CLCN6: variants seen among roughly 807,000 people sequenced by gnomAD.
CLCN6 encodes the protein Cl-/H+ antiporter 6.
In CLCN6, 70 loss-of-function variants were observed where a neutral mutation model predicts 109.8. That is an observed-to-expected ratio of 0.64 (90% CI 0.53 to 0.78). The LOEUF is 0.78. Among genes scored for constraint, CLCN6 ranks in the 30% least tolerant of loss-of-function variants. The probability of loss-of-function intolerance (pLI) is 0.00; values close to 1 mark genes in which losing one functional copy is unlikely to be tolerated. For synonymous variants in CLCN6, 444 were observed against 447.8 expected, an observed-to-expected ratio of 0.99 and a Z score of 0.11; for missense variants, 984 against 1,142.3, an observed-to-expected ratio of 0.86 and a Z score of 2.00.
intron 13 of CLCN6, 104 bp from the exon 14 acceptor site, chr1:11,833,411 G>A: frequency 8.8e-7 from 1 of 1,134,992 alleles, no homozygotes; most frequent in South Asian, 1.4e-5. Flanking sequence ...TTGATTGATG[G>A]GGAAAGCTGT....
chr1:11,806,906 G>C, intron 1 of CLCN6: 2 of 552,454 alleles, frequency 3.6e-6, no homozygotes, highest in African/African-American at 1.9e-5. Context: ...TGAAGAGGAG[G>C]GTGGTTATTT....
chr1:11,808,901 C>G (rs1644560603), intron 2 of CLCN6, among the ~76,000 whole-genome samples: 1 of 151,626 alleles, frequency 6.6e-6, no homozygotes, highest in Non-Finnish European at 1.5e-5. Flanking sequence ...TCTTAGTGCC[C>G]AGGTTGGAGT....
At chr1:11,828,300 G>A in intron 11 of CLCN6, 81 bp downstream of exon 11, 7 of 1,450,726 alleles carry the variant, frequency 4.8e-6, no homozygotes, top group Admixed American at 1.7e-5. Flanking sequence ...AGAGAAATGA[G>A]CAGAGGGCTA....
At chr1:11,828,411 A>G in intron 11 of CLCN6, 47 bp from the exon 12 acceptor site, 1 of 1,607,686 alleles carries the variant, frequency 6.2e-7, no homozygotes, top group Non-Finnish European at 8.5e-7. Flanking sequence ...TCCGGTTCTC[A>G]TGGCTGCTAT....
chr1:11,808,475 G>A (rs936914010), intron 2 of CLCN6, among the ~76,000 whole-genome samples: 2 of 151,986 alleles, frequency 1.3e-5, no homozygotes, highest in African/African-American at 2.4e-5. Context: ...TAATGGATAA[G>A]GACTTTTAAA....
At chr1:11,825,340 A>AAGG (rs1470197519) in intron 8 of CLCN6, among the ~76,000 whole-genome samples, 4 of 152,210 alleles carry the variant, frequency 2.6e-5, no homozygotes, top group Non-Finnish European at 5.9e-5. Context: ...GAAGTGAGCC[A>AAGG]AGGGGTGGAA....
Position 11,815,853 on chromosome 1 carries a change from A to C in CLCN6, c.155A>C (p.Asp52Ala), listed in dbSNP as rs753327858. ...ILPRKDYESL[D>A]YDRCINDPYL... Reference sequence around the variant, plus strand: ...AACTTTGCCTCTTTTCAGAGTTTGGATTATGATCGCTGTATCAATGACCCT... The same window carrying C: ...AACTTTGCCTCTTTTCAGAGTTTGGCTTATGATCGCTGTATCAATGACCCT... The change falls in exon 3 of 23, where the codon GAT (aspartate) becomes GCT (alanine). Residue 52 changes from aspartate to alanine, a missense_variant. Physicochemically the swap from Asp to Ala is moderately radical, Grantham distance 126 (BLOSUM62 -2). Transcript: ENST00000346436. 2 of 1,613,646 alleles carry C rather than the reference A, an allele frequency of 1.2e-6. No individual in the cohort carries two copies. The highest frequency in any genetic ancestry group is 1.1e-5 in the South Asian group (1 of 91,004).
At chr1:11,816,414 G>C (rs1644672789) in intron 3 of CLCN6, among the ~76,000 whole-genome samples, 1 of 152,212 alleles carries the variant, frequency 6.6e-6, no homozygotes, top group South Asian at 2.1e-4. Flanking sequence ...GCCAACCAGA[G>C]TTCCCCCTGT....
chr1:11,829,543 G>A (rs997119382), intron 13 of CLCN6, among the ~76,000 whole-genome samples: 18 of 150,948 alleles, frequency 1.2e-4, no homozygotes, highest in African/African-American at 1.5e-4. Context: ...CAACCCTGGC[G>A]TCACAGAGGG....
rs529056566 is a variant in CLCN6, at chr1:11,810,316, A to T, written c.147+3126A>T. ...TTGAAAAATGGTAACTTTCTGTGAG[A>T]TGTGCCATTGCAAACAGGAATGTTT... On this transcript the variant is annotated intron_variant, in intron 2 of 22. Transcript: ENST00000346436. Among the ~76,000 whole-genome samples the T allele has an allele frequency of 5.3e-5, 8 of 152,350 alleles. No homozygotes were observed. In the East Asian group the frequency reaches 1.4e-3, roughly 26 times the overall value.
chr1:11,821,081 C>A (rs198395), intron 5 of CLCN6, among the ~76,000 whole-genome samples: 110,092 of 138,140 alleles, frequency 0.8, 42,576 homozygotes, highest in East Asian at 0.89. Flanking sequence ...TCTCAAAAAA[C>A]AACAACAAAA....
intron 8 of CLCN6, among the ~76,000 whole-genome samples, chr1:11,824,775 G>A (rs1466949254): frequency 6.6e-6 from 1 of 152,154 alleles, no homozygotes; most frequent in East Asian, 1.9e-4. Flanking sequence ...GAGACATAGA[G>A]AAAAACTGTG....
At chr1:11,825,851 G>T (rs1420730216) in intron 8 of CLCN6, among the ~76,000 whole-genome samples, 1 of 152,192 alleles carries the variant, frequency 6.6e-6, no homozygotes, top group East Asian at 1.9e-4. Flanking sequence ...TCCAACTCCT[G>T]ACCTTAGGTA....
In CLCN6 at chr1:11,827,118, C is replaced by T. The variant is rs765674820; in HGVS notation, c.737C>T (p.Ala246Val). ...AAGAGAGACTTTGTATCAGCAGGAGCGGCTGCTGGAGTTGCTGCAGCTTTC... is the reference window on the plus strand; with the variant it reads ...AAGAGAGACTTTGTATCAGCAGGAGTGGCTGCTGGAGTTGCTGCAGCTTTC... ...RDKRDFVSAG[A>V]AAGVAAAFGA... Residue 246 changes from alanine (A) to valine (V), a missense_variant, in exon 10 of 23, where the codon GCG becomes GTG. Coordinates refer to ENST00000346436, the MANE Select transcript of CLCN6 (RefSeq NM_001286.5). 38 of 1,613,748 alleles carry T rather than the reference C, an allele frequency of 2.4e-5. No individual in the cohort carries two copies. The highest frequency in any genetic ancestry group is 5.3e-5 in the African/African-American group (4 of 74,898).
chr1:11,842,355 T>G lies in CLCN6; in HGVS notation c.*2132T>G, dbSNP rs1645035397. On this transcript the variant is annotated 3_prime_UTR_variant, in exon 23 of 23. Coordinates refer to ENST00000346436, the MANE Select transcript of CLCN6 (RefSeq NM_001286.5). Reference sequence around the variant, plus strand: ...AAATACCTCCCTCCCCTAAACTGACTGGACGGCTGCCAAGGAGGCCCCAAA... The same window carrying G: ...AAATACCTCCCTCCCCTAAACTGACGGGACGGCTGCCAAGGAGGCCCCAAA... 1 of 152,726 alleles carries G rather than the reference T, an allele frequency of 6.5e-6. No individual in the cohort carries two copies. Among genetic ancestry groups the G allele is most frequent in the South Asian group, 2.1e-4 (1 of 4,836 alleles). The allele number at this position is 152,726 out of a possible 1,614,324, so 9.5% of individuals were successfully genotyped here.
Position 11,833,533 on chromosome 1 carries a change from T to G in CLCN6, c.1267T>G (p.Ser423Ala). The stretch of plus-strand genomic sequence containing the variant: ...TTCTCAGGTCACAGAAGATGTGAAT[T>G]CAAGTATCAAGACATTTTTTTGTCC... ...FQLQVTEDVN[S>A]SIKTFFCPND... is the part of the protein sequence containing the mutation. The change falls in exon 14 of 23, where the codon TCA becomes GCA. Residue 423 changes from serine (S) to alanine (A), a missense_variant. Physicochemically the swap from Ser to Ala is moderately conservative, Grantham distance 99. Transcript: ENST00000346436. 1 of 1,613,928 alleles carries G rather than the reference T, an allele frequency of 6.2e-7. No individual in the cohort carries two copies.
intron 18 of CLCN6, among the ~76,000 whole-genome samples, chr1:11,836,431 CAG>C (rs1553121636): frequency 7.9e-5 from 12 of 152,186 alleles, no homozygotes; most frequent in Non-Finnish European, 1.8e-4. Flanking sequence ...GTGAGAGTAT[CAG>C]GGAGAGTTCT....
intron 18 of CLCN6, 148 bp downstream of exon 18, chr1:11,836,301 G>A: frequency 1.4e-6 from 1 of 702,582 alleles, no homozygotes. Flanking sequence ...GACAGGGAGA[G>A]TAGATTTGAC....
Position 11,838,639 on chromosome 1 carries a change from C to A in CLCN6, c.2508C>A (p.Pro836=), listed in dbSNP as rs560481965. The A allele has an allele frequency of 6.2e-7, 1 of 1,614,248 alleles. No homozygotes were observed. Among genetic ancestry groups the A allele is most frequent in the South Asian group, 1.1e-5 (1 of 91,084 alleles). The change falls in exon 22 of 23, where the codon CCC becomes CCA. Residue 836 remains proline, a synonymous_variant. Transcript: ENST00000346436. ...LFRTMGLRHL[P]VVNAVGEIVG... ...GAACGATGGGCCTGCGCCACCTGCCCGTGGTGAACGCTGTGGGAGAGGTGA... is the reference window on the plus strand; with the variant it reads ...GAACGATGGGCCTGCGCCACCTGCCAGTGGTGAACGCTGTGGGAGAGGTGA...
Sources: gnomAD v4.1 joint callset for allele counts (sites outside exome capture counted in the v4.1 genomes callset) on GRCh38, gnomAD v4.1.1 for gene constraint, MANE v1.5 for transcripts, NCBI Gene and HGNC (gene_info 2026-07-23, HGNC 2026-07-21) for gene names.